Variants in SLC39A11 observed in about 807,000 individuals in gnomAD.
The protein encoded by SLC39A11 is zinc transporter ZIP11.
A neutral mutation model predicts 36.1 loss-of-function variants in SLC39A11; 33 were observed. That is an observed-to-expected ratio of 0.91 (90% CI 0.69 to 1.22). The LOEUF (loss-of-function observed/expected upper bound fraction) is 1.22. SLC39A11 is among the 50% of genes most tolerant of loss of function. The pLI is 0.00. For missense variants in SLC39A11, 432 were observed against 430.3 expected (o/e 1.00, Z -0.03); for synonymous variants, 166 against 170.3 (o/e 0.97, Z 0.20).
rs544295833 is a variant in SLC39A11 at position 72,758,138 on chromosome 17, C to T, written c.602-21419G>A. On this transcript the variant is annotated intron_variant, in intron 6 of 9. Coordinates refer to ENST00000255559, the MANE Select transcript of SLC39A11 (RefSeq NM_139177.4). ...TGACCTCAGGTGATCCACTCGCCTC[C>T]GCCTCCCAAAGTGCTGGGATTATAA... Among the ~76,000 whole-genome samples, 41 of 152,034 alleles carry T rather than the reference C, an allele frequency of 2.7e-4. 1 individual carries two copies. Among genetic ancestry groups the T allele is most frequent in the South Asian group, 4.2e-4 (2 of 4,814 alleles).
At chr17:73,044,869 T>C (rs2059224399) in intron 3 of SLC39A11, among the ~76,000 whole-genome samples, 1 of 130,766 alleles carries the variant, frequency 7.6e-6, no homozygotes. Context: ...AGAGCAAGAC[T>C]CTGTCTCAGA....
intron 3 of SLC39A11, among the ~76,000 whole-genome samples, chr17:73,069,869 T>G (rs1022220416): frequency 6.6e-6 from 1 of 152,162 alleles, no homozygotes; most frequent in Admixed American, 6.5e-5. Context: ...TTAGATCAGA[T>G]AAGTTTCTAA....
chr17:72,992,622 ACT>A (rs1260986006), intron 4 of SLC39A11, among the ~76,000 whole-genome samples: 2 of 152,154 alleles, frequency 1.3e-5, no homozygotes, highest in African/African-American at 4.8e-5. Context: ...CTTGAATTTA[ACT>A]CTATAACGTC....
At chr17:72,975,478 G>C (rs2087775852) in intron 4 of SLC39A11, among the ~76,000 whole-genome samples, 1 of 152,058 alleles carries the variant, frequency 6.6e-6, no homozygotes, top group African/African-American at 2.4e-5. Flanking sequence ...TAAAAATAAA[G>C]AGGTCTTAGA....
chr17:72,784,378 C>T (rs974365862), intron 6 of SLC39A11, among the ~76,000 whole-genome samples: 7 of 151,856 alleles, frequency 4.6e-5, no homozygotes, highest in East Asian at 1.9e-4. Flanking sequence ...TTGGGGGGTG[C>T]GTGGGGCTGG....
intron 4 of SLC39A11, among the ~76,000 whole-genome samples, chr17:72,981,797 G>A (rs563564344): frequency 3.3e-5 from 5 of 152,112 alleles, no homozygotes; most frequent in African/African-American, 1.2e-4. Context: ...TAATATTGCA[G>A]ATAATTTTCT....
At chr17:73,079,906 A>G (rs1250971962) in intron 3 of SLC39A11, among the ~76,000 whole-genome samples, 1 of 152,110 alleles carries the variant, frequency 6.6e-6, no homozygotes, top group East Asian at 1.9e-4. Flanking sequence ...TAGCTGCAAA[A>G]TAATAATAAT....
chr17:72,872,038 T>C (rs1194800407), intron 5 of SLC39A11, among the ~76,000 whole-genome samples: 1 of 152,186 alleles, frequency 6.6e-6, no homozygotes, highest in Non-Finnish European at 1.5e-5. Context: ...TGCACACATT[T>C]GGTCACAGAA....
chr17:72,815,605 G>A (rs758326290), intron 6 of SLC39A11, among the ~76,000 whole-genome samples: 14 of 147,890 alleles, frequency 9.5e-5, no homozygotes, highest in East Asian at 4.1e-4. Flanking sequence ...CAACAAGAGC[G>A]AAACTCTGTC....
chr17:72,909,750 CTTTT>C (rs56091262), intron 5 of SLC39A11, among the ~76,000 whole-genome samples: 46 of 144,652 alleles, frequency 3.2e-4, no homozygotes, highest in East Asian at 2.0e-4. Flanking sequence ...TTTCTTTTTT[CTTTT>C]TTTTTTTTTG....
intron 5 of SLC39A11, among the ~76,000 whole-genome samples, chr17:72,906,257 G>A (rs141721133): frequency 3.3e-5 from 5 of 152,354 alleles, no homozygotes; most frequent in Admixed American, 6.5e-5. Flanking sequence ...ACCCCATTCA[G>A]GAGTCCACGG....
chr17:73,086,524 C>T (rs1185624510), intron 2 of SLC39A11, among the ~76,000 whole-genome samples: 1 of 152,118 alleles, frequency 6.6e-6, no homozygotes, highest in East Asian at 1.9e-4. Context: ...TTTCACCTTA[C>T]AAAATTAAAA....
chr17:73,084,918 C>T (rs1342853627), intron 2 of SLC39A11, 72 bp from the exon 3 acceptor site: 5 of 1,518,400 alleles, frequency 3.3e-6, no homozygotes, highest in Non-Finnish European at 4.6e-6. Flanking sequence ...AAGAAGAAAC[C>T]ATAAGGCCCA....
Position 73,042,069 on chromosome 17 carries a change from G to C in SLC39A11, c.148-10355C>G, listed in dbSNP as rs113791895. ...ATTAGGCAAACCTTTCCATTTCTGTGTAAGTGTTCATTTTGAAGGAATTTC... is the reference window on the plus strand; with the variant it reads ...ATTAGGCAAACCTTTCCATTTCTGTCTAAGTGTTCATTTTGAAGGAATTTC... On this transcript the variant is annotated intron_variant, in intron 3 of 9. Coordinates refer to ENST00000255559, the MANE Select transcript of SLC39A11 (RefSeq NM_139177.4). 5.7e-4 allele frequency among the ~76,000 whole-genome samples: 87 copies of C among 152,244 alleles called. 1 individual carries two copies. The highest frequency in any genetic ancestry group is 2.1e-3 in the African/African-American group (86 of 41,550).
chr17:72,923,220 A>T (rs1005401637), intron 5 of SLC39A11, among the ~76,000 whole-genome samples: 8 of 152,070 alleles, frequency 5.3e-5, no homozygotes, highest in African/African-American at 1.9e-4. Flanking sequence ...GGGGCTATGG[A>T]CCACCCTGCC....
intron 7 of SLC39A11, among the ~76,000 whole-genome samples, chr17:72,682,527 C>T (rs530865676): frequency 2.6e-5 from 4 of 152,272 alleles, no homozygotes; most frequent in East Asian, 3.9e-4. Flanking sequence ...GGGAGGGGGC[C>T]GGTGCCCCCA....
intron 7 of SLC39A11, among the ~76,000 whole-genome samples, chr17:72,670,308 C>T (rs951079974): frequency 6.6e-6 from 1 of 150,600 alleles, no homozygotes; most frequent in African/African-American, 2.4e-5. Flanking sequence ...GAGGTCAGGG[C>T]TACAGTGAGT....
At chr17:72,904,567 G>C (rs147674558) in intron 5 of SLC39A11, among the ~76,000 whole-genome samples, 3 of 152,094 alleles carry the variant, frequency 2.0e-5, no homozygotes, top group Admixed American at 2.0e-4. Context: ...GGCTCGCCTC[G>C]CAGCAACAAG....
chr17:72,708,614 A>G (rs1179830459), intron 7 of SLC39A11, among the ~76,000 whole-genome samples: 1 of 152,196 alleles, frequency 6.6e-6, no homozygotes, highest in Non-Finnish European at 1.5e-5. Context: ...GGGACCCCCA[A>G]GTTCAGGAAG....
Sources: allele counts gnomAD v4.1 joint callset (sites outside exome capture counted in the v4.1 genomes callset), GRCh38; gene constraint gnomAD v4.1.1; transcripts MANE v1.5; gene names NCBI Gene and HGNC (gene_info 2026-07-23, HGNC 2026-07-21).